The following GLT8D2 variants were observed in gnomAD, a reference collection of about 807,000 sequenced individuals.
GLT8D2 encodes glycosyltransferase 8 domain-containing protein 2.
Under a neutral mutation model 44.5 loss-of-function variants are expected in GLT8D2, and 45 were observed. That is an observed-to-expected ratio of 1.01 (90% CI 0.80 to 1.30). The LOEUF is 1.30. Among genes scored for constraint, GLT8D2 ranks in the 50% most tolerant of loss-of-function variants. The pLI, the probability that GLT8D2 is intolerant of heterozygous loss-of-function variation, is 0.00. For missense variants in GLT8D2, 400 were observed against 430.4 expected, an observed-to-expected ratio of 0.93 and a Z score of 0.62; for synonymous variants, 156 against 157.2, an observed-to-expected ratio of 0.99 and a Z score of 0.06.
At chr12:104,028,259 A>T (rs911539129) in intron 1 of GLT8D2, among the ~76,000 whole-genome samples, 1 of 152,114 alleles carries the variant, frequency 6.6e-6, no homozygotes, top group African/African-American at 2.4e-5. Context: ...TTTCAACAGA[A>T]AGTTTGCTTT....
intron 1 of GLT8D2, among the ~76,000 whole-genome samples, chr12:104,046,058 A>G (rs1881116760): frequency 1.3e-5 from 2 of 152,182 alleles, no homozygotes; most frequent in Admixed American, 6.5e-5. Context: ...AAAAAGCAAG[A>G]TAAAAGAGGG....
At chr12:104,057,555 C>A (rs1183922160) in intron 1 of GLT8D2, among the ~76,000 whole-genome samples, 13 of 151,082 alleles carry the variant, frequency 8.6e-5, no homozygotes, top group Admixed American at 8.6e-4. Flanking sequence ...CTCAATATTT[C>A]TGTTTTAAAT....
chr12:103,995,946 G>T (rs1220618058), intron 8 of GLT8D2, among the ~76,000 whole-genome samples: 1 of 152,188 alleles, frequency 6.6e-6, no homozygotes, highest in Admixed American at 6.5e-5. Flanking sequence ...TACAAAGGAA[G>T]TACTATTATT....
intron 1 of GLT8D2, among the ~76,000 whole-genome samples, chr12:104,041,790 T>C (rs902824291): frequency 6.6e-6 from 1 of 152,102 alleles, no homozygotes; most frequent in African/African-American, 2.4e-5. Context: ...CACCAGTAAA[T>C]ATATAATGGC....
At chr12:103,996,025 G>A (rs562238771) in intron 8 of GLT8D2, among the ~76,000 whole-genome samples, 1 of 152,320 alleles carries the variant, frequency 6.6e-6, no homozygotes, top group South Asian at 2.1e-4. Context: ...AAACTACCAA[G>A]TGATAGTGCC....
rs11611419 is a variant in GLT8D2 at position 104,019,277 on chromosome 12, G to A, written c.19+353C>T. 4.6e-3 allele frequency among the ~76,000 whole-genome samples: 706 copies of A among 151,860 alleles called. 3 individuals carry two copies. Among genetic ancestry groups the A allele is most frequent in the Middle Eastern group, 0.014 (4 of 294 alleles). ...CGAGTAGCTGAGACTACAGGTGTCC[G>A]CCACCATGCCTGGCTAATTTTTGTA... On this transcript the variant is annotated intron_variant, in intron 3 of 10. Coordinates refer to ENST00000360814, the MANE Select transcript of GLT8D2 (RefSeq NM_001384711.1).
rs1488715028 is a variant in GLT8D2 at position 104,017,030 on chromosome 12, CAG to C, written c.20-1927_20-1926del. Among the ~76,000 whole-genome samples the C allele has an allele frequency of 3.3e-5, 5 of 152,222 alleles. No individual in the cohort carries two copies. The East Asian group carries it at 9.7e-4, about 29-fold the overall frequency. ...TGTTGAGAAGTAGAGTGGTGTAAAA[CAG>C]TGTTTTCTTGAGTATGGAACATATA... On this transcript the variant is annotated intron_variant, in intron 3 of 10. Coordinates refer to ENST00000360814, the MANE Select transcript of GLT8D2 (RefSeq NM_001384711.1).
intron 5 of GLT8D2, among the ~76,000 whole-genome samples, chr12:104,000,770 G>A (rs2136291875): frequency 6.6e-6 from 1 of 152,290 alleles, no homozygotes; most frequent in African/African-American, 2.4e-5. Flanking sequence ...ATGAGCAATA[G>A]TATGATAAGG....
At position 103,989,335 on chromosome 12, in the gene GLT8D2, A is replaced by G. The variant is rs556130977; in HGVS notation, c.*73T>C. ...GTATCAAAGGTAATATTCATAAAGA[A>G]CAATGTTATAGTTGGCTACAAAGGG... is the stretch of plus-strand genomic sequence containing the variant. On this transcript the variant is annotated 3_prime_UTR_variant, in exon 11 of 11. Coordinates refer to ENST00000360814, the MANE Select transcript of GLT8D2 (RefSeq NM_001384711.1). The G allele has an allele frequency of 4.7e-6, 6 of 1,279,802 alleles. No individual in the cohort carries two copies. The highest frequency in any genetic ancestry group is 6.5e-6 in the Non-Finnish European group (6 of 926,684). The allele number at this position is 1,279,802 out of a possible 1,614,324, so 79.3% of individuals were successfully genotyped here. A position where few individuals can be genotyped will look rare whatever the true frequency, so the allele number is the denominator to read the frequency against.
Position 103,996,786 on chromosome 12 carries a change from A to G in GLT8D2, c.549T>C (p.Asp183=). 1 of 1,614,202 alleles carries G rather than the reference A, an allele frequency of 6.2e-7. No homozygotes were observed. Among genetic ancestry groups the G allele is most frequent in the Non-Finnish European group, 8.5e-7 (1 of 1,180,002 alleles). The part of the protein sequence containing the change: ...LALGHAAAFS[D]DCDLPSAQDI... ...CCTGAGCAGAGGGCAAATCGCAGTCATCTGAGAAAGCCGCCGCGTGGCCCA... is the reference window on the plus strand; with the variant it reads ...CCTGAGCAGAGGGCAAATCGCAGTCGTCTGAGAAAGCCGCCGCGTGGCCCA... The change falls in exon 8 of 11, where the codon GAT becomes GAC. Residue 183 remains aspartate, a synonymous_variant. Coordinates refer to ENST00000360814, the MANE Select transcript of GLT8D2 (RefSeq NM_001384711.1).
intron 1 of GLT8D2, among the ~76,000 whole-genome samples, chr12:104,038,094 G>A (rs1037603049): frequency 2.0e-5 from 3 of 152,104 alleles, no homozygotes; most frequent in Admixed American, 6.6e-5. Flanking sequence ...AAATTCAACA[G>A]CCTTTCATGC....
upstream of GLT8D2, among the ~76,000 whole-genome samples, chr12:104,052,389 T>A (rs1195848829): frequency 6.6e-6 from 1 of 152,256 alleles, no homozygotes; most frequent in Non-Finnish European, 1.5e-5. Context: ...AGATGTTATT[T>A]GCCCCAATTT....
rs1310604305 is a variant in GLT8D2 at position 104,016,685 on chromosome 12, AAGAAAGAAAGAAAGAAAGGGAGAG to A, written c.20-1604_20-1581del. On this transcript the variant is annotated intron_variant, in intron 3 of 10. Transcript: ENST00000360814. ...AAGAAAGAGAGAGAGAGAGAAAGAA[AAGAAAGAAAGAAAGAAAGGGAGAG>A]AGAAAGAAAGAAAGAAAGAAAGAAA... 1.5e-3 allele frequency among the ~76,000 whole-genome samples: 86 copies of A among 57,638 alleles called. 1 individual carries two copies. Among genetic ancestry groups the A allele is most frequent in the Admixed American group, 3.4e-3 (18 of 5,276 alleles). The allele number at this position is 57,638 out of a possible 152,430, so 37.8% of individuals were successfully genotyped here.
intron 6 of GLT8D2, 39 bp downstream of exon 6, chr12:103,999,358 C>G: frequency 8.6e-7 from 1 of 1,167,014 alleles, no homozygotes; most frequent in Non-Finnish European, 1.3e-6. Context: ...AAAGGTCTCA[C>G]CAAGGACTGT....
upstream of GLT8D2, chr12:104,050,332 G>C (rs1347569226): frequency 6.6e-6 from 1 of 152,252 alleles, no homozygotes; most frequent in Non-Finnish European, 1.5e-5. Flanking sequence ...AATGCTTTCA[G>C]GGTGAATTTC....
intron 10 of GLT8D2, among the ~76,000 whole-genome samples, chr12:103,992,498 T>TC: frequency 6.6e-6 from 1 of 151,230 alleles, no homozygotes; most frequent in East Asian, 1.9e-4. Flanking sequence ...TCTCTTTTTT[T>TC]TTTTTTTTTT....
At chr12:104,057,213 CACA>C (rs1401202442) in intron 1 of GLT8D2, among the ~76,000 whole-genome samples, 2 of 152,146 alleles carry the variant, frequency 1.3e-5, no homozygotes, top group Non-Finnish European at 2.9e-5. Context: ...AAAGATATCT[CACA>C]ACATTGAAAG....
chr12:104,022,756 ACACACACACACACATG>A (rs1333298913), intron 1 of GLT8D2, among the ~76,000 whole-genome samples: 2 of 151,576 alleles, frequency 1.3e-5, no homozygotes, highest in East Asian at 1.9e-4. Context: ...TTCTACACAC[ACACACACACACACATG>A]CACACACACA....
chr12:104,006,194 G>A (rs1874983686), intron 4 of GLT8D2, among the ~76,000 whole-genome samples: 1 of 147,206 alleles, frequency 6.8e-6, no homozygotes, highest in Admixed American at 6.9e-5. Context: ...GAGAACACTT[G>A]GACACAGGAA....
Sources: gnomAD v4.1 joint callset for allele counts (sites outside exome capture counted in the v4.1 genomes callset) on GRCh38, gnomAD v4.1.1 for gene constraint, MANE v1.5 for transcripts, NCBI Gene and HGNC (gene_info 2026-07-23, HGNC 2026-07-21) for gene names.